The following ARMC2 variants were observed in gnomAD, a reference collection of about 807,000 sequenced individuals.
ARMC2 encodes armadillo repeat-containing protein 2.
In ARMC2, 67 loss-of-function variants were observed where a neutral mutation model predicts 90.3. The ratio of observed to expected loss-of-function variants is 0.74; its 90% CI spans 0.61 to 0.91. ARMC2 has a LOEUF of 0.91. Among genes scored for constraint, ARMC2 ranks in the 40% least tolerant of loss-of-function variants. The probability of loss-of-function intolerance (pLI) is 0.00; values close to 1 mark genes in which losing one functional copy is unlikely to be tolerated. For synonymous variants in ARMC2, 393 were observed against 393.0 expected (o/e 1.00, Z 0.00); for missense variants, 920 against 1,030.9 (o/e 0.89, Z 1.47).
At chr6:108,929,500 G>C (rs970303305) in intron 11 of ARMC2, among the ~76,000 whole-genome samples, 2 of 151,844 alleles carry the variant, frequency 1.3e-5, no homozygotes, top group Non-Finnish European at 2.9e-5. Flanking sequence ...GTTGAGATGG[G>C]GTCTCGCTTT....
the ARMC2 span, among the ~76,000 whole-genome samples, chr6:109,024,795 T>C: frequency 1.3e-5 from 2 of 152,226 alleles, no homozygotes; most frequent in African/African-American, 2.4e-5. Flanking sequence ...CTGCCCAGCA[T>C]TGTGAGTATC....
At chr6:108,886,013 A>G (rs938370931) in intron 5 of ARMC2, among the ~76,000 whole-genome samples, 1 of 152,166 alleles carries the variant, frequency 6.6e-6, no homozygotes, top group Non-Finnish European at 1.5e-5. Context: ...AGCCTAAAAC[A>G]TTTACTACCT....
chr6:108,960,879 G>A (rs912133124), intron 13 of ARMC2, among the ~76,000 whole-genome samples: 2 of 152,172 alleles, frequency 1.3e-5, no homozygotes, highest in Non-Finnish European at 2.9e-5. Context: ...GGGGGTCTGG[G>A]AGTAGGAGGA....
the ARMC2 span, among the ~76,000 whole-genome samples, chr6:108,985,255 T>C: frequency 6.6e-6 from 1 of 151,980 alleles, no homozygotes; most frequent in African/African-American, 2.4e-5. Context: ...AAGTTTGGCC[T>C]AATAAAAAAT....
chr6:108,993,557 G>T, the ARMC2 span, among the ~76,000 whole-genome samples: 1 of 152,016 alleles, frequency 6.6e-6, no homozygotes, highest in African/African-American at 2.4e-5. Context: ...TAAGAAACTC[G>T]GTGCTCTTTC....
chr6:108,869,131 A>AATAATATTGGGCAACTAATAATGTTTCTT, intron 4 of ARMC2, 136 bp downstream of exon 4: 1 of 908,056 alleles, frequency 1.1e-6, no homozygotes, highest in Admixed American at 3.4e-5. Flanking sequence ...TATTGGGCAA[A>AATAATATTGGGCAACTAATAATGTTTCTT]AGCTGGCTAA....
chr6:108,980,594 C>T, the ARMC2 span, among the ~76,000 whole-genome samples: 1 of 152,194 alleles, frequency 6.6e-6, no homozygotes, highest in Non-Finnish European at 1.5e-5. Context: ...GCTGACACTG[C>T]ACCCACAGCC....
the ARMC2 span, among the ~76,000 whole-genome samples, chr6:108,991,075 AC>A: frequency 0.079 from 11,675 of 148,346 alleles, 656 homozygotes; most frequent in South Asian, 0.17. Context: ...TCAAAAAAAA[AC>A]AACAACAAAA....
intron 5 of ARMC2, among the ~76,000 whole-genome samples, chr6:108,879,416 C>T (rs1359095169): frequency 6.6e-6 from 1 of 151,702 alleles, no homozygotes; most frequent in Non-Finnish European, 1.5e-5. Context: ...TCTACCCATT[C>T]ATCCACCCAT....
chr6:108,885,759 T>C (rs1003032820), intron 5 of ARMC2, among the ~76,000 whole-genome samples: 1 of 152,244 alleles, frequency 6.6e-6, no homozygotes, highest in African/African-American at 2.4e-5. Flanking sequence ...TGAAACATGC[T>C]GAGGGGACCC....
the ARMC2 span, among the ~76,000 whole-genome samples, chr6:108,981,155 A>G: frequency 6.6e-6 from 1 of 152,104 alleles, no homozygotes; most frequent in South Asian, 2.1e-4. Context: ...CTTTTAGTGG[A>G]AAAAAAAGTC....
chr6:108,957,788 C>A (rs563404136), intron 13 of ARMC2, among the ~76,000 whole-genome samples: 23 of 152,274 alleles, frequency 1.5e-4, no homozygotes, highest in African/African-American at 5.1e-4. Flanking sequence ...CAGAGATTTG[C>A]TGACTTAGTG....
At chr6:108,995,469 G>A in the ARMC2 span, among the ~76,000 whole-genome samples, 1 of 152,184 alleles carries the variant, frequency 6.6e-6, no homozygotes, top group Admixed American at 6.5e-5. Flanking sequence ...GATGACTAGA[G>A]CAGTGTCACA....
At chr6:108,926,409 A>G (rs1775103660) in intron 10 of ARMC2, among the ~76,000 whole-genome samples, 2 of 152,190 alleles carry the variant, frequency 1.3e-5, no homozygotes, top group Admixed American at 1.3e-4. Flanking sequence ...AATTCCTAGA[A>G]TGGTTCATTA....
chr6:108,936,824 A>T, intron 11 of ARMC2, 76 bp from the exon 12 acceptor site: 2 of 1,191,354 alleles, frequency 1.7e-6, no homozygotes, highest in Non-Finnish European at 2.4e-6. Context: ...GTCTGCATTT[A>T]AAGTGATACT....
At chr6:108,954,572 C>T (rs554206248) in intron 13 of ARMC2, among the ~76,000 whole-genome samples, 70 of 152,196 alleles carry the variant, frequency 4.6e-4, no homozygotes, top group South Asian at 1.0e-3. Context: ...CGCAGTGGGC[C>T]GAGATCGTGC....
the ARMC2 span, chr6:109,009,331 C>T: frequency 4.5e-5 from 65 of 1,460,154 alleles, no homozygotes; most frequent in Non-Finnish European, 5.7e-5. Flanking sequence ...AGGTACCCAG[C>T]GGCCCGCTCA....
rs1033330237 is a variant in ARMC2, at chr6:108,881,966, A to G, written c.671+5616A>G. ...TAAATGGCTCTGTTTAAAGATAAAT[A>G]CTATTAAGATAGGAACCAACGTGGG... On this transcript the variant is annotated intron_variant, in intron 5 of 17. Coordinates refer to ENST00000392644, the MANE Select transcript of ARMC2 (RefSeq NM_032131.6). Among the ~76,000 whole-genome samples, 4 of 152,278 alleles carry G rather than the reference A, an allele frequency of 2.6e-5. No individual in the cohort carries two copies. The South Asian group carries it at 8.3e-4, about 32-fold the overall frequency.
At chr6:108,950,081 C>T (rs947022222) in intron 12 of ARMC2, among the ~76,000 whole-genome samples, 1 of 152,134 alleles carries the variant, frequency 6.6e-6, no homozygotes, top group Non-Finnish European at 1.5e-5. Context: ...TGGTGCATGC[C>T]TGTAATCCCA....
Sources: gnomAD v4.1 joint callset for allele counts (sites outside exome capture counted in the v4.1 genomes callset) on GRCh38, gnomAD v4.1.1 for gene constraint, MANE v1.5 for transcripts, NCBI Gene and HGNC (gene_info 2026-07-23, HGNC 2026-07-21) for gene names.